The following WDR7 variants were observed in gnomAD, a reference collection of about 807,000 sequenced individuals.
WDR7 encodes WD repeat-containing protein 7.
WDR7 carries 46 observed loss-of-function variants against 169.4 expected under a neutral mutation model. That is an observed-to-expected ratio of 0.27 (90% CI 0.21 to 0.35). The LOEUF (loss-of-function observed/expected upper bound fraction) is 0.35. Among genes scored for constraint, WDR7 ranks in the 10% least tolerant of loss-of-function variants. The pLI, the probability that WDR7 is intolerant of heterozygous loss-of-function variation, is 1.00. For synonymous variants in WDR7, 612 were observed against 666.8 expected (o/e 0.92, Z 1.27); for missense variants, 1,534 against 1,859.3 (o/e 0.83, Z 3.22).
At chr18:56,955,061 C>A (rs2145750071) in intron 25 of WDR7, among the ~76,000 whole-genome samples, 1 of 152,222 alleles carries the variant, frequency 6.6e-6, no homozygotes, top group South Asian at 2.1e-4. Context: ...TAAGAAACTC[C>A]TCCAAATCTG....
At chr18:56,755,228 G>A (rs924733936) in intron 14 of WDR7, among the ~76,000 whole-genome samples, 2 of 151,454 alleles carry the variant, frequency 1.3e-5, no homozygotes, top group African/African-American at 2.4e-5. Context: ...GTTTTTTATC[G>A]TAGTGAACTT....
intron 12 of WDR7, among the ~76,000 whole-genome samples, chr18:56,709,506 C>T (rs2026036712): frequency 6.6e-6 from 1 of 152,026 alleles, no homozygotes; most frequent in Admixed American, 6.6e-5. Flanking sequence ...ATTTATATTT[C>T]GTGTTATTCA....
At chr18:56,980,200 A>T (rs2145827922) in intron 26 of WDR7, among the ~76,000 whole-genome samples, 1 of 152,218 alleles carries the variant, frequency 6.6e-6, no homozygotes, top group Non-Finnish European at 1.5e-5. Flanking sequence ...TTAGAGACTT[A>T]GATTGTTTGG....
At chr18:56,873,345 C>A (rs2045978223) in intron 20 of WDR7, among the ~76,000 whole-genome samples, 1 of 152,162 alleles carries the variant, frequency 6.6e-6, no homozygotes, top group Non-Finnish European at 1.5e-5. Flanking sequence ...GTACCTGTTA[C>A]AATTCTTTCC....
chr18:57,027,023 G>C lies in WDR7; in HGVS notation c.4289G>C (p.Gly1430Ala), dbSNP rs756476778. 1 of 1,614,050 alleles carries C rather than the reference G, an allele frequency of 6.2e-7. No homozygotes were observed. The highest frequency in any genetic ancestry group is 2.2e-5 in the East Asian group (1 of 44,872). The stretch of plus-strand genomic sequence containing the variant: ...CTCCAGATGAACACGTCACTGCTGG[G>C]AAGCATCGGCATGCTGAACTCGGCA... ...SFWQMNTSLLGSIGMLNSAPQ... is the reference protein window; with the variant it reads ...SFWQMNTSLLASIGMLNSAPQ... Residue 1430 changes from glycine (G) to alanine (A), a missense_variant, in exon 28 of 28, where the codon GGA becomes GCA. Coordinates refer to ENST00000254442, the MANE Select transcript of WDR7 (RefSeq NM_015285.3).
chr18:56,683,427 A>G (rs1012356091), intron 5 of WDR7, among the ~76,000 whole-genome samples: 2 of 152,208 alleles, frequency 1.3e-5, no homozygotes, highest in East Asian at 3.9e-4. Flanking sequence ...TTAATGCAGA[A>G]CATTGAATGT....
chr18:56,806,237 A>G (rs1237864162), intron 19 of WDR7, among the ~76,000 whole-genome samples: 1 of 152,112 alleles, frequency 6.6e-6, no homozygotes, highest in Non-Finnish European at 1.5e-5. Context: ...CTTTGCCTAG[A>G]ATAACTATCA....
At chr18:56,891,460 A>G (rs1599134305) in intron 21 of WDR7, among the ~76,000 whole-genome samples, 1 of 152,124 alleles carries the variant, frequency 6.6e-6, no homozygotes, top group African/African-American at 2.4e-5. Flanking sequence ...TGCCTGACAT[A>G]TAAGTACTTA....
intron 2 of WDR7, among the ~76,000 whole-genome samples, chr18:56,675,579 C>G (rs765458253): frequency 1.4e-4 from 21 of 151,674 alleles, no homozygotes; most frequent in Middle Eastern, 6.8e-3. Context: ...CCTTATTGGA[C>G]TTATTACTTC....
intron 20 of WDR7, among the ~76,000 whole-genome samples, chr18:56,831,051 G>C (rs1280527630): frequency 6.6e-6 from 1 of 152,176 alleles, no homozygotes; most frequent in African/African-American, 2.4e-5. Flanking sequence ...AGTGTAGCCA[G>C]ACTAAACTTT....
chr18:56,930,863 T>G (rs1225528934), intron 22 of WDR7, among the ~76,000 whole-genome samples: 1 of 152,236 alleles, frequency 6.6e-6, no homozygotes, highest in Non-Finnish European at 1.5e-5. Context: ...CATTATTCCT[T>G]AATTTGACAG....
Position 56,807,147 on chromosome 18 carries a change from CAAA to C in WDR7, c.3191-8866_3191-8864del, listed in dbSNP as rs566956902. ...TAACCTCTGCCTAGGTGATCCTAGCCAAAAAAAAAAAAAAAAAAAATTCATGAA... is the reference window on the plus strand; with the variant it reads ...TAACCTCTGCCTAGGTGATCCTAGCCAAAAAAAAAAAAAAAAATTCATGAA... On this transcript the variant is annotated intron_variant, in intron 19 of 27. Coordinates refer to ENST00000254442, the MANE Select transcript of WDR7 (RefSeq NM_015285.3). 3.4e-3 allele frequency among the ~76,000 whole-genome samples: 282 copies of C among 84,164 alleles called. 2 individuals carry two copies. Among genetic ancestry groups the C allele is most frequent in the Non-Finnish European group, 5.5e-3 (221 of 40,258 alleles). 55.2% of individuals were successfully genotyped at this position (84,164 alleles called of 152,430 possible). A position where few individuals can be genotyped will look rare whatever the true frequency, so the allele number is the denominator to read the frequency against.
chr18:57,017,470 A>G (rs1172672749), intron 26 of WDR7, among the ~76,000 whole-genome samples: 1 of 127,098 alleles, frequency 7.9e-6, no homozygotes, highest in Non-Finnish European at 1.7e-5. Flanking sequence ...TTCTTATCCA[A>G]GTCATGCTGT....
Position 56,781,633 on chromosome 18 carries a change from A to G in WDR7, c.3167A>G (p.Gln1056Arg). The G allele has an allele frequency of 6.2e-7, 1 of 1,611,392 alleles. No individual in the cohort carries two copies. The highest frequency in any genetic ancestry group is 1.1e-5 in the South Asian group (1 of 90,674). Residue 1056 changes from glutamine to arginine, a missense_variant, in exon 19 of 28, where the codon CAG (glutamine) becomes CGG (arginine). By Grantham distance (43) the Gln-to-Arg change is conservative. Transcript: ENST00000254442. ...AIDAWAPYLP[Q>R]YIDHVISPGV... ...GATGCCTGGGCTCCTTACTTACCTCAGTACATAGACCACGTCATATCACGT... is the reference window on the plus strand; with the variant it reads ...GATGCCTGGGCTCCTTACTTACCTCGGTACATAGACCACGTCATATCACGT...
chr18:56,916,386 C>T (rs939241510), intron 21 of WDR7, among the ~76,000 whole-genome samples: 15 of 151,604 alleles, frequency 9.9e-5, no homozygotes, highest in African/African-American at 3.6e-4. Context: ...TCTGTCCTTG[C>T]GATAGTTTGC....
At chr18:56,799,318 T>G (rs1372316910) in intron 19 of WDR7, among the ~76,000 whole-genome samples, 3 of 152,186 alleles carry the variant, frequency 2.0e-5, no homozygotes, top group African/African-American at 4.8e-5. Flanking sequence ...ATGTAGAATC[T>G]CTGTGAAATA....
At chr18:56,812,342 A>T (rs1220980580) in intron 19 of WDR7, among the ~76,000 whole-genome samples, 1 of 152,206 alleles carries the variant, frequency 6.6e-6, no homozygotes, top group Non-Finnish European at 1.5e-5. Context: ...GCCTTGCTGA[A>T]CTAACTTATT....
chr18:56,785,830 C>CTTT (rs112540201), intron 19 of WDR7, among the ~76,000 whole-genome samples: 18 of 139,804 alleles, frequency 1.3e-4, no homozygotes, highest in Admixed American at 2.9e-4. Flanking sequence ...TTTTCTTTTT[C>CTTT]TTTTTTTTTT....
At chr18:56,735,002 A>T (rs1452979020) in intron 14 of WDR7, among the ~76,000 whole-genome samples, 2 of 152,194 alleles carry the variant, frequency 1.3e-5, no homozygotes, top group African/African-American at 4.8e-5. Context: ...AAAGCTGAGG[A>T]TGTAATTTAA....
Sources: allele counts gnomAD v4.1 joint callset (sites outside exome capture counted in the v4.1 genomes callset), GRCh38; gene constraint gnomAD v4.1.1; transcripts MANE v1.5; gene names NCBI Gene and HGNC (gene_info 2026-07-23, HGNC 2026-07-21).